The following ELL2 variants were observed in gnomAD, a reference collection of about 807,000 sequenced individuals.
ELL2 encodes elongation factor for RNA polymerase II 2.
ELL2 carries 21 observed loss-of-function variants against 72.8 expected under a neutral mutation model. That is an observed-to-expected ratio of 0.29 (90% CI 0.20 to 0.42). The LOEUF (loss-of-function observed/expected upper bound fraction) is 0.42, where lower values mean the gene tolerates loss of function less well. Among genes scored for constraint, ELL2 ranks in the 10% least tolerant of loss-of-function variants. The probability of loss-of-function intolerance (pLI) is 1.00; values close to 1 mark genes in which losing one functional copy is unlikely to be tolerated. For missense variants in ELL2, 568 were observed against 772.8 expected (o/e 0.73, Z 3.14); for synonymous variants, 266 against 283.2 (o/e 0.94, Z 0.61).
chr5:95,897,694 G>T (rs1413769947), intron 8 of ELL2, among the ~76,000 whole-genome samples: 1 of 152,190 alleles, frequency 6.6e-6, no homozygotes, highest in Non-Finnish European at 1.5e-5. Flanking sequence ...GCGAACGCTA[G>T]CCAACAGTCT....
chr5:95,932,423 A>T (rs1315215452), intron 2 of ELL2, among the ~76,000 whole-genome samples: 1 of 152,224 alleles, frequency 6.6e-6, no homozygotes, highest in African/African-American at 2.4e-5. Context: ...ATAGAGAAAG[A>T]GACACTTTGG....
At chr5:95,920,269 A>G (rs899325096) in intron 2 of ELL2, among the ~76,000 whole-genome samples, 8 of 146,820 alleles carry the variant, frequency 5.4e-5, no homozygotes, top group East Asian at 3.9e-4. Context: ...TTTATTTTTA[A>G]ATTTTTAATA....
chr5:95,924,197 T>A (rs893717742), intron 2 of ELL2, among the ~76,000 whole-genome samples: 21 of 152,216 alleles, frequency 1.4e-4, no homozygotes, highest in African/African-American at 5.1e-4. Flanking sequence ...GTCAGTCCCC[T>A]CTGATATGCA....
intron 1 of ELL2, among the ~76,000 whole-genome samples, chr5:95,958,133 C>G (rs1751685970): frequency 6.6e-6 from 1 of 152,158 alleles, no homozygotes; most frequent in South Asian, 2.1e-4. Flanking sequence ...TATATGAGTA[C>G]AGGAATGGTG....
chr5:95,954,587 T>TC (rs1167588122), intron 1 of ELL2, among the ~76,000 whole-genome samples: 42 of 116,724 alleles, frequency 3.6e-4, no homozygotes, highest in Non-Finnish European at 6.4e-4. Context: ...TCTTTTCTTT[T>TC]TTTTTTTTCT....
chr5:95,895,507 G>T, intron 9 of ELL2, 121 bp downstream of exon 9: 2 of 844,574 alleles, frequency 2.4e-6, no homozygotes, highest in South Asian at 1.6e-5. Context: ...CAATTGCAAG[G>T]GTGGCTCCAG....
rs1043002603 is a variant in ELL2 at position 95,961,826 on chromosome 5, C to T, written c.-105G>A. 42 of 1,395,400 alleles carry T rather than the reference C, an allele frequency of 3.0e-5. No individual in the cohort carries two copies. Among genetic ancestry groups the T allele is most frequent in the South Asian group, 2.4e-4 (16 of 67,894 alleles). 86.4% of individuals were successfully genotyped at this position (1,395,400 alleles called of 1,614,324 possible). A position where few individuals can be genotyped will look rare whatever the true frequency, so the allele number is the denominator to read the frequency against. On this transcript the variant is annotated 5_prime_UTR_variant, in exon 1 of 12. Transcript: ENST00000237853. ...AGCCGCCGCCACTGCTAGGGCCATC[C>T]CGCTGCTGACGTACTGTCATATACT... is the stretch of plus-strand genomic sequence containing the variant.
chr5:95,914,385 T>C (rs932211405), intron 3 of ELL2, among the ~76,000 whole-genome samples: 1 of 152,120 alleles, frequency 6.6e-6, no homozygotes, highest in African/African-American at 2.4e-5. Flanking sequence ...TTAAATAATA[T>C]ATTAATTTTA....
intron 8 of ELL2, among the ~76,000 whole-genome samples, chr5:95,897,904 G>A (rs1369660148): frequency 6.6e-6 from 1 of 152,040 alleles, no homozygotes; most frequent in Non-Finnish European, 1.5e-5. Flanking sequence ...ATCAGTTCAA[G>A]AATGGCATAT....
intron 1 of ELL2, among the ~76,000 whole-genome samples, chr5:95,954,538 C>G (rs1751548158): frequency 6.7e-6 from 1 of 148,968 alleles, no homozygotes; most frequent in African/African-American, 2.5e-5. Context: ...TCCTGAGTAG[C>G]TGGGACTACA....
chr5:95,945,649 C>T (rs3777173), intron 1 of ELL2, among the ~76,000 whole-genome samples: 33,729 of 151,928 alleles, frequency 0.22, 3,825 homozygotes, highest in East Asian at 0.38. Context: ...AAGGACAGTA[C>T]GGGTTAGAAC....
In ELL2 at chr5:95,901,033, A is replaced by G; in HGVS notation, c.789T>C (p.Tyr263=). ...AGTCTCTTTGAAGCTCTTTAAAAAC[A>G]TAATCCTTTAAGGTATATGAGAGGT... ...SKDLSYTLKD[Y]VFKELQRDWP... Residue 263 remains tyrosine (Y), a synonymous_variant, in exon 6 of 12, where the codon TAT becomes TAC. Coordinates refer to ENST00000237853, the MANE Select transcript of ELL2 (RefSeq NM_012081.6). The G allele has an allele frequency of 6.8e-6, 11 of 1,613,676 alleles. No individual in the cohort carries two copies. Among genetic ancestry groups the G allele is most frequent in the Non-Finnish European group, 9.3e-6 (11 of 1,179,878 alleles).
At chr5:95,960,122 A>C (rs930090071) in intron 1 of ELL2, among the ~76,000 whole-genome samples, 1 of 146,622 alleles carries the variant, frequency 6.8e-6, no homozygotes, top group Non-Finnish European at 1.5e-5. Context: ...TCTTTTCCCC[A>C]CTTTTAGCTG....
chr5:95,900,715 C>G lies in ELL2; in HGVS notation c.932G>C (p.Arg311Thr), dbSNP rs768333758. Residue 311 changes from arginine (R) to threonine (T), a missense_variant, in exon 7 of 12, where the codon AGA becomes ACA. This residue lies in a region of ELL2 where 511 missense variants were observed against 728.4 expected (regional missense o/e 0.70). Coordinates refer to ENST00000237853, the MANE Select transcript of ELL2 (RefSeq NM_012081.6). ...SRSESPVCSS[R>T]DAVSSPQKRL... ...TACCTGAGGAGAAGATACAGCGTCT[C>G]TACTAGAACATACAGGAGATTCTGA... The G allele has an allele frequency of 1.2e-6, 2 of 1,603,918 alleles. No homozygotes were observed. Among genetic ancestry groups the G allele is most frequent in the East Asian group, 4.5e-5 (2 of 44,830 alleles).
rs753722912 is a variant in ELL2 at position 95,900,746 on chromosome 5, T to C, written c.901A>G (p.Ser301Gly). ...LNPSQNAAGT[S>G]RSESPVCSSR... ...GAACATACAGGAGATTCTGAACGGC[T>C]GGTGCCTGCAGCATTCTGAGACGGA... is the stretch of plus-strand genomic sequence containing the variant. Residue 301 changes from serine (S) to glycine (G), a missense_variant, in exon 7 of 12, where the codon AGC becomes GGC. Transcript: ENST00000237853. The C allele has an allele frequency of 5.0e-6, 8 of 1,609,758 alleles. No homozygotes were observed. Among genetic ancestry groups the C allele is most frequent in the Non-Finnish European group, 6.8e-6 (8 of 1,178,230 alleles).
chr5:95,948,280 A>T (rs1280794070), intron 1 of ELL2, among the ~76,000 whole-genome samples: 2 of 151,722 alleles, frequency 1.3e-5, no homozygotes, highest in African/African-American at 4.8e-5. Context: ...AAAAACGAAA[A>T]ATTAGCCGGG....
chr5:95,904,401 GTCAT>G (rs773590785), intron 5 of ELL2, among the ~76,000 whole-genome samples: 51 of 152,060 alleles, frequency 3.4e-4, no homozygotes, highest in Non-Finnish European at 5.7e-4. Flanking sequence ...TCCATAAAAG[GTCAT>G]TCTAAGAAAA....
At chr5:95,921,885 G>A (rs1290634597) in intron 2 of ELL2, among the ~76,000 whole-genome samples, 1 of 152,108 alleles carries the variant, frequency 6.6e-6, no homozygotes. Flanking sequence ...AACCTGGTTG[G>A]AGAAATTTTA....
chr5:95,911,635 C>G (rs1286563433), intron 4 of ELL2, among the ~76,000 whole-genome samples: 2 of 152,160 alleles, frequency 1.3e-5, no homozygotes, highest in Non-Finnish European at 2.9e-5. Context: ...CGTGAGCCAT[C>G]GCACCCGGCC....
Sources: allele counts gnomAD v4.1 joint callset (sites outside exome capture counted in the v4.1 genomes callset), GRCh38; gene constraint gnomAD v4.1.1; regional missense constraint gnomAD v4.1.1; transcripts MANE v1.5; gene names NCBI Gene and HGNC (gene_info 2026-07-23, HGNC 2026-07-21).